The following H2BC18 variants were observed in gnomAD, a reference collection of about 807,000 sequenced individuals.
H2BC18 encodes the protein H2B clustered histone 18.
Under a neutral mutation model 6.3 loss-of-function variants are expected in H2BC18, and 8 were observed. The observed-to-expected ratio is 1.28, with a 90% CI of 0.75 to 2.31. The LOEUF is 2.31. H2BC18 is among the 30% of genes most tolerant of loss of function. The pLI is 0.00. For synonymous variants in H2BC18, 104 were observed against 78.1 expected (o/e 1.33, Z -1.75); for missense variants, 106 against 174.5 (o/e 0.61, Z 2.21).
At chr1:149,804,240 A>G (rs1553753654) in intron 1 of H2BC18, among the ~76,000 whole-genome samples, 1 of 151,908 alleles carries the variant, frequency 6.6e-6, no homozygotes, top group Non-Finnish European at 1.5e-5. Context: ...CTTTTTTCTG[A>G]AAGTATTGAC....
In H2BC18 at chr1:149,812,286, T is replaced by C. The variant is rs1404700398; in HGVS notation, c.38A>G (p.Lys13Arg). ...TTTCGTAACAGCCTTTTTGGAGCCCTTCTTGGGAGCAGGAGCGGATTTCGC... is the reference window on the plus strand; with the variant it reads ...TTTCGTAACAGCCTTTTTGGAGCCCCTCTTGGGAGCAGGAGCGGATTTCGC... ...DPAKSAPAPK[K>R]GSKKAVTKVQ... Residue 13 changes from lysine (K) to arginine (R), a missense_variant, in exon 1 of 1, where the codon AAG becomes AGG. Lys to Arg is a conservative substitution (Grantham distance 26). Transcript: ENST00000369167. 6.2e-7 allele frequency: 1 copy of C among 1,614,104 alleles called. No homozygotes were observed. The highest frequency in any genetic ancestry group is 1.3e-5 in the African/African-American group (1 of 74,938).
chr1:149,793,200 G>C (rs2091756763), intron 1 of H2BC18: 2 of 1,277,422 alleles, frequency 1.6e-6, no homozygotes, highest in Admixed American at 2.3e-5. Flanking sequence ...CTCCCAGCAG[G>C]CGCCCCATTT....
At chr1:149,793,038 C>A in intron 1 of H2BC18, 3 of 1,262,860 alleles carry the variant, frequency 2.4e-6, no homozygotes, top group Non-Finnish European at 3.1e-6. Context: ...CCGCCAGCTC[C>A]CGGGCCCCGG....
chr1:149,797,743 G>C (rs827359), intron 1 of H2BC18, among the ~76,000 whole-genome samples: 1 of 152,140 alleles, frequency 6.6e-6, no homozygotes, highest in Non-Finnish European at 1.5e-5. Flanking sequence ...AACTATAGGC[G>C]TGCACCACGA....
At chr1:149,789,266 A>T (rs2091634764) in intron 1 of H2BC18, among the ~76,000 whole-genome samples, 1 of 152,030 alleles carries the variant, frequency 6.6e-6, no homozygotes, top group Non-Finnish European at 1.5e-5. Flanking sequence ...TGTGGCGGGC[A>T]CCTGTAGTCC....
intron 1 of H2BC18, among the ~76,000 whole-genome samples, chr1:149,798,513 T>C (rs2091825067): frequency 6.6e-6 from 1 of 152,016 alleles, no homozygotes; most frequent in South Asian, 2.1e-4. Flanking sequence ...GTATGTATCC[T>C]TGTTAAATGC....
chr1:149,799,748 C>T (rs1216149170), intron 1 of H2BC18, among the ~76,000 whole-genome samples: 4 of 152,170 alleles, frequency 2.6e-5, no homozygotes, highest in Non-Finnish European at 1.5e-5. Context: ...TTCATCTCTG[C>T]ATGCATCTTT....
At chr1:149,783,760 A>G in intron 1 of H2BC18, 1 of 391,880 alleles carries the variant, frequency 2.6e-6, no homozygotes, top group Non-Finnish European at 4.3e-6. Flanking sequence ...CAGTAATTTA[A>G]TCCTCAGGAG....
intron 1 of H2BC18, among the ~76,000 whole-genome samples, chr1:149,800,990 G>A (rs1210853611): frequency 7.2e-5 from 11 of 152,214 alleles, no homozygotes; most frequent in Non-Finnish European, 1.2e-4. Flanking sequence ...GGAGGCTGAG[G>A]TGGGAGGAGA....
intron 1 of H2BC18, chr1:149,803,636 A>T (rs1387702467): frequency 6.6e-6 from 1 of 152,232 alleles, no homozygotes; most frequent in Non-Finnish European, 1.5e-5. Flanking sequence ...CCAAGGAAAA[A>T]TACTAAGGAA....
downstream of H2BC18, chr1:149,810,917 G>C (rs1486996142): frequency 6.6e-6 from 1 of 152,216 alleles, no homozygotes; most frequent in South Asian, 2.1e-4. Context: ...CCTGGAAGCA[G>C]GTTTAACAAG....
chr1:149,799,588 A>G (rs868945101), intron 1 of H2BC18, among the ~76,000 whole-genome samples: 2 of 152,144 alleles, frequency 1.3e-5, no homozygotes, highest in South Asian at 2.1e-4. Context: ...CAGCCCCTGA[A>G]ATTGTGCAGT....
downstream of H2BC18, chr1:149,810,625 TGA>T (rs1333137448): frequency 1.1e-4 from 17 of 152,010 alleles, no homozygotes; most frequent in Non-Finnish European, 1.3e-4. Flanking sequence ...TTTGTCAGGA[TGA>T]GTCTTGAGTT....
rs1194759736 is a variant in H2BC18 at position 149,804,388 on chromosome 1, G to A, written c.377+7559C>T. 2.6e-5 allele frequency among the ~76,000 whole-genome samples: 4 copies of A among 152,198 alleles called. No individual in the cohort carries two copies. In the East Asian group the frequency reaches 5.8e-4, roughly 22 times the overall value. On this transcript the variant is annotated intron_variant, in intron 1 of 1. Coordinates refer to the H2BC18 transcript ENST00000545683. ...TATTTTCCTAATGGGCCACATAGCA[G>A]ACACTGAAGGTTCTACATAACAAAG...
chr1:149,785,879 TA>T (rs2091536361), intron 1 of H2BC18: 1 of 152,112 alleles, frequency 6.6e-6, no homozygotes, highest in South Asian at 2.1e-4. Flanking sequence ...GAACTTCATA[TA>T]AAGGGCTACG....
At chr1:149,792,842 A>G in intron 1 of H2BC18, 1 of 1,272,596 alleles carries the variant, frequency 7.9e-7, no homozygotes, top group South Asian at 1.2e-5. Context: ...GATGGAAGAG[A>G]GCAAGGGGTC....
At position 149,812,100 on chromosome 1, in the gene H2BC18, G is replaced by A. The variant is rs587755514; in HGVS notation, c.224C>T (p.Ala75Val). ...GTGCGCCAGGCGGGACGCCTCTCCC[G>A]CGATGCGCTCGAAGATGTCGTTGAC... is the stretch of plus-strand genomic sequence containing the variant. ...SFVNDIFERI[A>V]GEASRLAHYN... The change falls in exon 1 of 1, where the codon GCG becomes GTG. Residue 75 changes from alanine (A) to valine (V), a missense_variant. Physicochemically the swap from Ala to Val is moderately conservative, Grantham distance 64. Transcript: ENST00000369167. 1 of 1,614,274 alleles carries A rather than the reference G, an allele frequency of 6.2e-7. No homozygotes were observed. Among genetic ancestry groups the A allele is most frequent in the South Asian group, 1.1e-5 (1 of 91,092 alleles).
At chr1:149,811,783 TA>T, downstream of H2BC18, 1 of 691,910 alleles carries the variant, frequency 1.4e-6, no homozygotes, top group Non-Finnish European at 2.5e-6. Flanking sequence ...TCCTTAGTCC[TA>T]AACCCGAATG....
chr1:149,808,065 G>C (rs2091939520), downstream of H2BC18, among the ~76,000 whole-genome samples: 1 of 152,058 alleles, frequency 6.6e-6, no homozygotes, highest in African/African-American at 2.4e-5. Context: ...ATATTTTAAA[G>C]TAAATGGAAA....
Sources: gnomAD v4.1 joint callset for allele counts (sites outside exome capture counted in the v4.1 genomes callset) on GRCh38, gnomAD v4.1.1 for gene constraint, MANE v1.5 for transcripts, NCBI Gene and HGNC (gene_info 2026-07-23, HGNC 2026-07-21) for gene names.